Variants in RIMS2 observed in about 807,000 individuals in gnomAD.
The protein encoded by RIMS2 is regulating synaptic membrane exocytosis 2.
In RIMS2, 59 loss-of-function variants were observed where a neutral mutation model predicts 174.4. That is an observed-to-expected ratio of 0.34 (90% confidence interval 0.27 to 0.42). The LOEUF (loss-of-function observed/expected upper bound fraction) is 0.42, where lower values mean the gene tolerates loss of function less well. Among genes scored for constraint, RIMS2 ranks in the 10% least tolerant of loss-of-function variants. The pLI, the probability that RIMS2 is intolerant of heterozygous loss-of-function variation, is 1.00. For missense variants in RIMS2, 1,620 were observed against 1,666.3 expected, an observed-to-expected ratio of 0.97 and a Z score of 0.48; for synonymous variants, 606 against 572.5, an observed-to-expected ratio of 1.06 and a Z score of -0.84.
At chr8:103,636,500 TCCCC>T (rs928190832) in intron 1 of RIMS2, among the ~76,000 whole-genome samples, 3 of 102,086 alleles carry the variant, frequency 2.9e-5, no homozygotes, top group African/African-American at 1.3e-4. Flanking sequence ...ACATGGTTTC[TCCCC>T]TGGGAAGGGT....
intron 19 of RIMS2, among the ~76,000 whole-genome samples, chr8:104,092,304 C>T (rs1003970065): frequency 1.1e-4 from 16 of 151,840 alleles, no homozygotes; most frequent in African/African-American, 3.6e-4. Context: ...AAAAAATAAT[C>T]ATCTTTCTAA....
chr8:103,805,588 C>G (rs937894729), intron 3 of RIMS2, among the ~76,000 whole-genome samples: 1 of 152,100 alleles, frequency 6.6e-6, no homozygotes. Context: ...ATTAGTAGAA[C>G]AGTTCTCACT....
downstream of RIMS2, chr8:104,251,916 T>C: frequency 1.4e-6 from 1 of 734,016 alleles, no homozygotes; most frequent in Admixed American, 2.4e-5. Context: ...ATGCTTAATG[T>C]TGTGTCTTCT....
chr8:103,502,175 A>G (rs1390522358), intron 1 of RIMS2, among the ~76,000 whole-genome samples: 7 of 152,206 alleles, frequency 4.6e-5, no homozygotes, highest in Admixed American at 2.0e-4. Context: ...CTCCACAGAA[A>G]TATACAATTG....
In RIMS2 at chr8:104,160,786, C is replaced by T. The variant is rs540836162; in HGVS notation, c.3335-84130C>T. 3.7e-4 allele frequency among the ~76,000 whole-genome samples: 57 copies of T among 152,246 alleles called. No individual in the cohort carries two copies. In the South Asian group the frequency reaches 0.012, roughly 32 times the overall value. On this transcript the variant is annotated intron_variant, in intron 19 of 23. Transcript: ENST00000504942. ...CCATGAAAGACATAACTTGACAAAACATTGTCCCTACTACCTCATAGCTTC... is the reference window on the plus strand; with the variant it reads ...CCATGAAAGACATAACTTGACAAAATATTGTCCCTACTACCTCATAGCTTC...
At chr8:104,078,196 T>G (rs998104807) in intron 19 of RIMS2, among the ~76,000 whole-genome samples, 1 of 152,054 alleles carries the variant, frequency 6.6e-6, no homozygotes, top group Non-Finnish European at 1.5e-5. Context: ...TAACTCATTT[T>G]AATGAAATTT....
intron 14 of RIMS2, among the ~76,000 whole-genome samples, chr8:103,955,331 C>G (rs1343563249): frequency 6.6e-6 from 1 of 152,136 alleles, no homozygotes; most frequent in South Asian, 2.1e-4. Context: ...CCCTGATGAA[C>G]ATCAATGTGA....
chr8:103,564,102 C>A (rs11774079), intron 1 of RIMS2, among the ~76,000 whole-genome samples: 17,661 of 152,194 alleles, frequency 0.12, 1,369 homozygotes, highest in Non-Finnish European at 0.17. Context: ...AAGTCTGTTG[C>A]ATACTCTTGG....
At chr8:104,244,244 T>C (rs563242201) in intron 19 of RIMS2, among the ~76,000 whole-genome samples, 50 of 152,284 alleles carry the variant, frequency 3.3e-4, no homozygotes, top group African/African-American at 1.2e-3. Context: ...TGACTACCCG[T>C]GAACAAAAAT....
At chr8:103,592,573 A>G (rs1017277495) in intron 1 of RIMS2, among the ~76,000 whole-genome samples, 3 of 151,340 alleles carry the variant, frequency 2.0e-5, no homozygotes, top group Non-Finnish European at 3.0e-5. Flanking sequence ...AGTGGTTCTC[A>G]AAGTGTGATA....
chr8:104,022,049 G>C (rs974264066), intron 19 of RIMS2, among the ~76,000 whole-genome samples: 11 of 152,092 alleles, frequency 7.2e-5, no homozygotes, highest in Admixed American at 5.9e-4. Context: ...CCTCCAAAAT[G>C]CAAAAGTCTG....
chr8:103,608,046 A>G (rs865820287), intron 1 of RIMS2, among the ~76,000 whole-genome samples: 15,517 of 132,808 alleles, frequency 0.12, 1,141 homozygotes, highest in African/African-American at 0.15. Context: ...GCTGGTGAGG[A>G]ACTGCATTCC....
chr8:103,968,530 G>A (rs530563311), intron 15 of RIMS2, among the ~76,000 whole-genome samples: 2 of 149,236 alleles, frequency 1.3e-5, no homozygotes, highest in South Asian at 2.1e-4. Flanking sequence ...TTTTTGGGTA[G>A]GTACTCTAGA....
intron 2 of RIMS2, among the ~76,000 whole-genome samples, chr8:103,747,281 C>A (rs1467597431): frequency 7.1e-6 from 1 of 141,174 alleles, no homozygotes; most frequent in Non-Finnish European, 1.5e-5. Context: ...TGTGATGATC[C>A]CCTTCCTGTG....
At chr8:104,061,349 C>A (rs575455625) in intron 19 of RIMS2, among the ~76,000 whole-genome samples, 1 of 151,950 alleles carries the variant, frequency 6.6e-6, no homozygotes. Context: ...CTCTTTTGAT[C>A]TTTGTTGGTT....
chr8:103,622,313 A>G (rs998644398), intron 1 of RIMS2, among the ~76,000 whole-genome samples: 2 of 152,164 alleles, frequency 1.3e-5, no homozygotes, highest in Non-Finnish European at 2.9e-5. Flanking sequence ...TATAAGTCAT[A>G]TAAACCTTGA....
At chr8:103,992,784 C>T (rs1364560179) in intron 17 of RIMS2, among the ~76,000 whole-genome samples, 1 of 152,098 alleles carries the variant, frequency 6.6e-6, no homozygotes, top group Non-Finnish European at 1.5e-5. Flanking sequence ...AATTTAGTAA[C>T]CTGGATGCAA....
At chr8:103,931,661 G>A (rs1432521497) in intron 12 of RIMS2, among the ~76,000 whole-genome samples, 1 of 151,878 alleles carries the variant, frequency 6.6e-6, no homozygotes, top group South Asian at 2.1e-4. Flanking sequence ...ATCATTAAAA[G>A]TTATGCTTCC....
intron 17 of RIMS2, among the ~76,000 whole-genome samples, chr8:104,011,958 GT>G (rs2095776198): frequency 1.3e-5 from 2 of 152,044 alleles, no homozygotes; most frequent in South Asian, 4.1e-4. Flanking sequence ...AAAGAAAAGT[GT>G]TCCTTTAAAA....
Sources: gnomAD v4.1 joint callset for allele counts (sites outside exome capture counted in the v4.1 genomes callset) on GRCh38, gnomAD v4.1.1 for gene constraint, MANE v1.5 for transcripts, NCBI Gene and HGNC (gene_info 2026-07-23, HGNC 2026-07-21) for gene names.